The following MDN1 variants were observed in gnomAD, a reference collection of about 807,000 sequenced individuals.
MDN1 encodes the protein midasin AAA ATPase 1, also known as midasin.
MDN1 carries 266 observed loss-of-function variants against 669.2 expected under a neutral mutation model. The ratio of observed to expected loss-of-function variants is 0.40; its 90% CI spans 0.36 to 0.44. The LOEUF (loss-of-function observed/expected upper bound fraction) is 0.44. MDN1 is among the 20% of genes least tolerant of loss of function. MDN1 has a pLI of 1.00. For missense variants in MDN1, 5,940 were observed against 6,754.0 expected (o/e 0.88, Z 4.22); for synonymous variants, 2,385 against 2,457.1 (o/e 0.97, Z 0.87).
intron 11 of MDN1, among the ~76,000 whole-genome samples, chr6:89,777,909 T>C (rs1410900890): frequency 6.6e-6 from 1 of 152,164 alleles, no homozygotes; most frequent in Non-Finnish European, 1.5e-5. Context: ...GGAGATTGAT[T>C]TGAGTAACAA....
At chr6:89,698,464 G>A (rs181154712) in intron 59 of MDN1, among the ~76,000 whole-genome samples, 2 of 152,160 alleles carry the variant, frequency 1.3e-5, no homozygotes, top group Admixed American at 1.3e-4. Flanking sequence ...ACACATTTCT[G>A]TTACATATAT....
At position 89,656,727 on chromosome 6, in the gene MDN1, G is replaced by T. The variant is rs1348171011; in HGVS notation, c.15258C>A (p.Ser5086=). The change falls in exon 91 of 102, where the codon TCC becomes TCA. Residue 5086 remains serine, a synonymous_variant. Coordinates refer to ENST00000369393, the MANE Select transcript of MDN1 (RefSeq NM_014611.3). ...HESNFIAQLA[S]QKHTRKNTQS... ...GTGTGTTTTTCCTGGTGTGCTTCTGGGAGGCCAACTGGGCAATGAAATTCG... is the reference window on the plus strand; with the variant it reads ...GTGTGTTTTTCCTGGTGTGCTTCTGTGAGGCCAACTGGGCAATGAAATTCG... 1 of 1,612,910 alleles carries T rather than the reference G, an allele frequency of 6.2e-7. No individual in the cohort carries two copies.
At chr6:89,811,362 G>A (rs568713312) in intron 1 of MDN1, among the ~76,000 whole-genome samples, 1 of 152,096 alleles carries the variant, frequency 6.6e-6, no homozygotes, top group East Asian at 1.9e-4. Flanking sequence ...GCTAATCAAA[G>A]CATCTTTGAC....
chr6:89,772,808 A>G, intron 13 of MDN1, 87 bp from the exon 14 acceptor site: 1 of 1,432,902 alleles, frequency 7.0e-7, no homozygotes, highest in Non-Finnish European at 9.5e-7. Flanking sequence ...CAGATTCAAC[A>G]ACAAGGATGA....
At chr6:89,667,504 G>A (rs187416966) in intron 84 of MDN1, among the ~76,000 whole-genome samples, 1 of 152,212 alleles carries the variant, frequency 6.6e-6, no homozygotes, top group East Asian at 1.9e-4. Flanking sequence ...AAATGAGACA[G>A]GCATTTAAAA....
At chr6:89,752,423 T>C (rs1394939905) in intron 22 of MDN1, among the ~76,000 whole-genome samples, 2 of 152,216 alleles carry the variant, frequency 1.3e-5, no homozygotes, top group African/African-American at 4.8e-5. Context: ...ATGTGTTACT[T>C]GTACGATTTT....
intron 37 of MDN1, among the ~76,000 whole-genome samples, chr6:89,725,691 C>T (rs1236496826): frequency 6.6e-6 from 1 of 151,552 alleles, no homozygotes; most frequent in South Asian, 2.1e-4. Flanking sequence ...CCATCTCAGC[C>T]TGCTGCATAG....
chr6:89,780,102 T>A (rs1818589032), intron 11 of MDN1, 110 bp downstream of exon 11: 3 of 573,332 alleles, frequency 5.2e-6, no homozygotes, highest in Admixed American at 3.8e-5. Flanking sequence ...TAACAAACCA[T>A]ACTTGGAAAA....
chr6:89,794,946 G>A, intron 2 of MDN1, 145 bp from the exon 3 acceptor site: 1 of 713,938 alleles, frequency 1.4e-6, no homozygotes, highest in Non-Finnish European at 2.3e-6. Context: ...TCATTGATTG[G>A]TGGGAATATC....
intron 83 of MDN1, among the ~76,000 whole-genome samples, chr6:89,668,700 A>G (rs1469702779): frequency 1.3e-5 from 2 of 152,256 alleles, no homozygotes; most frequent in Admixed American, 1.3e-4. Context: ...GCACAAAAAA[A>G]TAAGCTGCTA....
chr6:89,793,858 G>A lies in MDN1; in HGVS notation c.759C>T (p.Tyr253=). 5.6e-6 allele frequency: 9 copies of A among 1,614,170 alleles called. No individual in the cohort carries two copies. The highest frequency in any genetic ancestry group is 7.6e-6 in the Non-Finnish European group (9 of 1,180,006). ...SLWRKQKELQ[Y]LQGHLVSSDL... is the part of the protein sequence containing the mutation. Reference sequence around the variant, plus strand: ...CAGACGAAACAAGATGTCCCTGTAAGTACTGCAGCTCCTTCTGCTTACGCC... The same window carrying A: ...CAGACGAAACAAGATGTCCCTGTAAATACTGCAGCTCCTTCTGCTTACGCC... The change falls in exon 5 of 102, where the codon TAC becomes TAT. Residue 253 remains tyrosine (Y), a synonymous_variant. Coordinates refer to ENST00000369393, the MANE Select transcript of MDN1 (RefSeq NM_014611.3).
chr6:89,689,408 A>G (rs538044734), intron 65 of MDN1, among the ~76,000 whole-genome samples: 1 of 152,200 alleles, frequency 6.6e-6, no homozygotes, highest in Non-Finnish European at 1.5e-5. Flanking sequence ...CCTCCTTCCT[A>G]CTTCTATGAA....
Position 89,710,806 on chromosome 6 carries a change from G to A in MDN1, c.7652-12C>T. 1 of 1,505,824 alleles carries A rather than the reference G, an allele frequency of 6.6e-7. No individual in the cohort carries two copies. Among genetic ancestry groups the A allele is most frequent in the African/African-American group, 1.4e-5 (1 of 72,014 alleles). 93.3% of individuals were successfully genotyped at this position (1,505,824 alleles called of 1,614,324 possible). A position where few individuals can be genotyped will look rare whatever the true frequency, so the allele number is the denominator to read the frequency against. ...AATTTGTATGGACTCTGTGGAGGAAGGAGAAACCAGTGTTAGACTCTAAAG... is the reference window on the plus strand; with the variant it reads ...AATTTGTATGGACTCTGTGGAGGAAAGAGAAACCAGTGTTAGACTCTAAAG... On this transcript the variant is annotated splice_polypyrimidine_tract_variant and intron_variant, in intron 49 of 101. Coordinates refer to ENST00000369393, the MANE Select transcript of MDN1 (RefSeq NM_014611.3).
At chr6:89,743,070 G>A (rs1037871881) in intron 31 of MDN1, 80 bp downstream of exon 31, 2 of 1,532,854 alleles carry the variant, frequency 1.3e-6, no homozygotes, top group African/African-American at 1.4e-5. Context: ...GTGACAGAGT[G>A]AGAACACTGT....
At chr6:89,721,139 A>G (rs1814789230) in intron 40 of MDN1, among the ~76,000 whole-genome samples, 1 of 152,136 alleles carries the variant, frequency 6.6e-6, no homozygotes, top group Admixed American at 6.5e-5. Context: ...CCCTGCCTCA[A>G]AAAAAATAAG....
intron 74 of MDN1, among the ~76,000 whole-genome samples, chr6:89,679,879 G>A (rs905051998): frequency 3.9e-5 from 6 of 152,218 alleles, no homozygotes; most frequent in African/African-American, 1.4e-4. Flanking sequence ...CTCTCCAGGA[G>A]ATGCAAATGG....
rs201110172 is a variant in MDN1, at chr6:89,650,729, T to C, written c.16031+3A>G. 7.4e-6 allele frequency: 12 copies of C among 1,612,786 alleles called. No individual in the cohort carries two copies. In the East Asian group the frequency reaches 1.3e-4, roughly 18 times the overall value. ...GTGAGGCCTTCCAGAGGGGAAGACT[T>C]ACTTCAGCTTGGCTGCCTGGGTAGG... On this transcript the variant is annotated splice_donor_region_variant and intron_variant, in intron 96 of 101. Coordinates refer to ENST00000369393, the MANE Select transcript of MDN1 (RefSeq NM_014611.3).
At position 89,738,611 on chromosome 6, in the gene MDN1, C is replaced by T. The variant is rs541247518; in HGVS notation, c.4594-156G>A. ...TCAGATATAATTAATTGAAGATGTACTTTGTCTTGACTCCTTATATTCCAT... is the reference window on the plus strand; with the variant it reads ...TCAGATATAATTAATTGAAGATGTATTTTGTCTTGACTCCTTATATTCCAT... On this transcript the variant is annotated intron_variant, in intron 32 of 101. Coordinates refer to ENST00000369393, the MANE Select transcript of MDN1 (RefSeq NM_014611.3). 1.1e-3 allele frequency among the ~76,000 whole-genome samples: 167 copies of T among 152,222 alleles called. 1 individual carries two copies. Among genetic ancestry groups the T allele is most frequent in the African/African-American group, 3.9e-3 (164 of 41,550 alleles).
intron 89 of MDN1, 103 bp downstream of exon 89, chr6:89,658,507 C>T: frequency 6.6e-7 from 1 of 1,523,828 alleles, no homozygotes; most frequent in South Asian, 1.3e-5. Flanking sequence ...GGAAGTGCCA[C>T]ATGTTGATGG....
Sources: gnomAD v4.1 joint callset for allele counts (sites outside exome capture counted in the v4.1 genomes callset) on GRCh38, gnomAD v4.1.1 for gene constraint, MANE v1.5 for transcripts, NCBI Gene and HGNC (gene_info 2026-07-23, HGNC 2026-07-21) for gene names.